NASP: variants seen among roughly 807,000 people sequenced by gnomAD.
NASP encodes the protein NASP histone chaperone.
In NASP, 24 loss-of-function variants were observed where a neutral mutation model predicts 89.5. The observed-to-expected ratio is 0.27, with a 90% CI of 0.19 to 0.38. The LOEUF (loss-of-function observed/expected upper bound fraction) is 0.38, where lower values mean the gene tolerates loss of function less well. Ranked by LOEUF, NASP falls within the 10% of genes least tolerant of loss-of-function variation. The pLI is 1.00. For missense variants in NASP, 848 were observed against 921.4 expected (o/e 0.92, Z 1.03); for synonymous variants, 306 against 324.7 (o/e 0.94, Z 0.62).
intron 4 of NASP, chr1:45,605,682 G>T (rs1328788259): frequency 2.6e-5 from 4 of 151,742 alleles, no homozygotes; most frequent in Non-Finnish European, 4.4e-5. Context: ...GGCTGGTCTC[G>T]AACTCCTGAC....
chr1:45,614,680 A>G (rs977531104), intron 9 of NASP, among the ~76,000 whole-genome samples: 6 of 152,122 alleles, frequency 3.9e-5, no homozygotes, highest in African/African-American at 1.4e-4. Context: ...CTGGGATTAC[A>G]GGCACCCACC....
At chr1:45,610,192 C>CT (rs994922663) in intron 6 of NASP, 58 of 152,122 alleles carry the variant, frequency 3.8e-4, no homozygotes, top group African/African-American at 1.3e-3. Flanking sequence ...CAGCGAGTCT[C>CT]TGTCTTCCAA....
intron 12 of NASP, 81 bp from the exon 13 acceptor site, chr1:45,616,545 T>C: frequency 6.5e-7 from 1 of 1,546,666 alleles, no homozygotes; most frequent in Non-Finnish European, 8.9e-7. Context: ...ACCTTGTCTC[T>C]GAAAAACTAA....
chr1:45,612,492 T>G (rs1158841953), intron 6 of NASP: 1 of 152,228 alleles, frequency 6.6e-6, no homozygotes, highest in Non-Finnish European at 1.5e-5. Context: ...ATGGTTGACT[T>G]GTGAGTGTAT....
At chr1:45,586,288 T>TGTGTGTGTGTGTGTG (rs1644544945) in intron 1 of NASP, among the ~76,000 whole-genome samples, 1 of 95,832 alleles carries the variant, frequency 1.0e-5, no homozygotes, top group African/African-American at 4.9e-5. Context: ...GTGTGTGGTG[T>TGTGTGTGTGTGTGTG]GTGTGTGTGT....
At chr1:45,602,151 G>A (rs1256197258) in intron 2 of NASP, 104 bp from the exon 3 acceptor site, 1 of 1,406,300 alleles carries the variant, frequency 7.1e-7, no homozygotes, top group African/African-American at 1.4e-5. Context: ...TGCCAGAGTA[G>A]TCCAAAAGTT....
rs1644488610 is a variant in NASP at position 45,584,067 on chromosome 1, A to G, written c.-80A>G. 5.2e-6 allele frequency: 7 copies of G among 1,354,244 alleles called. No individual in the cohort carries two copies. The highest frequency in any genetic ancestry group is 2.5e-5 in the East Asian group (1 of 39,392). The allele number at this position is 1,354,244 out of a possible 1,614,324, so 83.9% of individuals were successfully genotyped here. On this transcript the variant is annotated 5_prime_UTR_variant, in exon 1 of 15. Transcript: ENST00000350030. ...TCTAATCTGCCATTTTCTGTCCCTG[A>G]GTGAGTCTCTGGCGTCCCAAATTGC...
At chr1:45,596,989 A>C (rs1442416219) in intron 2 of NASP, among the ~76,000 whole-genome samples, 1 of 150,380 alleles carries the variant, frequency 6.6e-6, no homozygotes, top group Non-Finnish European at 1.5e-5. Flanking sequence ...TCTCAAAAAA[A>C]AGAAAAAAAA....
intron 2 of NASP, among the ~76,000 whole-genome samples, chr1:45,596,762 C>T (rs757731839): frequency 9.9e-5 from 15 of 152,016 alleles, no homozygotes; most frequent in Non-Finnish European, 1.6e-4. Context: ...GAGGCTGAGG[C>T]GAGAGAATCA....
chr1:45,584,097 T>C lies in NASP; in HGVS notation c.-50T>C. The stretch of plus-strand genomic sequence containing the variant: ...GTCTCTGGCGTCCCAAATTGCCTGT[T>C]TTTCTCGCAGGCTCTATTCCGTTCG... On this transcript the variant is annotated 5_prime_UTR_variant, in exon 1 of 15. Transcript: ENST00000350030. The C allele has an allele frequency of 6.6e-7, 1 of 1,525,818 alleles. No individual in the cohort carries two copies. 94.5% of individuals were successfully genotyped at this position (1,525,818 alleles called of 1,614,324 possible). A position where few individuals can be genotyped will look rare whatever the true frequency, so the allele number is the denominator to read the frequency against.
chr1:45,586,280 GTGTGGTGTGTGTGTGT>G (rs1212964979), intron 1 of NASP, among the ~76,000 whole-genome samples: 3 of 45,704 alleles, frequency 6.6e-5, no homozygotes, highest in African/African-American at 2.0e-4. Context: ...GTGTGTGTGT[GTGTGGTGTGTGTGTGT>G]GTGTGTGTGT....
intron 6 of NASP, chr1:45,611,595 T>C (rs998138482): frequency 6.7e-6 from 1 of 150,268 alleles, no homozygotes; most frequent in African/African-American, 2.5e-5. Flanking sequence ...GCCTCCCGAG[T>C]AGCTGGGACT....
At chr1:45,614,902 C>A in intron 9 of NASP, 111 bp from the exon 10 acceptor site, 1 of 966,234 alleles carries the variant, frequency 1.0e-6, no homozygotes, top group Non-Finnish European at 1.5e-6. Flanking sequence ...TAACTATAAA[C>A]AAAAATGGAA....
At chr1:45,606,629 G>A (rs151019527) in intron 5 of NASP, 38 bp downstream of exon 5, 137 of 1,399,454 alleles carry the variant, frequency 9.8e-5, no homozygotes, top group Non-Finnish European at 1.2e-4. Context: ...GAGATGCGAC[G>A]TTGTATATTT....
intron 1 of NASP, among the ~76,000 whole-genome samples, chr1:45,588,417 T>C (rs1259299231): frequency 6.6e-6 from 1 of 152,150 alleles, no homozygotes; most frequent in Non-Finnish European, 1.5e-5. Context: ...ACTTCTTTTT[T>C]TAAAATTAAT....
At chr1:45,614,516 C>T (rs1644069070) in intron 9 of NASP, 150 bp downstream of exon 9, 4 of 669,470 alleles carry the variant, frequency 6.0e-6, no homozygotes, top group Middle Eastern at 2.5e-4. Context: ...TTCCAAGTGG[C>T]ACTCAGTCTT....
Position 45,607,557 on chromosome 1 carries a change from G to C in NASP, c.646G>C (p.Gly216Arg). 3 of 1,613,986 alleles carry C rather than the reference G, an allele frequency of 1.9e-6. No individual in the cohort carries two copies. Among genetic ancestry groups the C allele is most frequent in the Non-Finnish European group, 2.5e-6 (3 of 1,179,910 alleles). The stretch of plus-strand genomic sequence containing the variant: ...TGAAACCTCTGAAGAGGCAAAAGGA[G>C]GAGCAGCACCAGAAGGACCGAATGA... Reference protein sequence around the residue: ...LTETSEEAKGGAAPEGPNEAE... With the variant: ...LTETSEEAKGRAAPEGPNEAE... The change falls in exon 6 of 15, where the codon GGA (glycine) becomes CGA (arginine). Residue 216 changes from glycine (G) to arginine (R), a missense_variant. Around this residue, in one of 5 missense-constraint regions of NASP, gnomAD observed 464 missense variants for 469.4 expected, o/e 0.99. Transcript: ENST00000350030.
In NASP at chr1:45,591,250, A is replaced by G. The variant is rs746439169; in HGVS notation, c.87A>G (p.Thr29=). ...TTGAAGATGTTCCTGCTCCTTCTAC[A>G]TCTGCAGATAAAGTGGAGAGGTAAG... is the stretch of plus-strand genomic sequence containing the variant. ...DKIEDVPAPS[T]SADKVESLDV... is the part of the protein sequence containing the mutation. Residue 29 remains threonine, a synonymous_variant, in exon 2 of 15, where the codon ACA becomes ACG. Coordinates refer to ENST00000350030, the MANE Select transcript of NASP (RefSeq NM_002482.4). 6.5e-7 allele frequency: 1 copy of G among 1,546,264 alleles called. No individual in the cohort carries two copies. Among genetic ancestry groups the G allele is most frequent in the Non-Finnish European group, 8.7e-7 (1 of 1,148,666 alleles).
chr1:45,592,147 G>C (rs932374653), intron 2 of NASP, among the ~76,000 whole-genome samples: 7 of 152,158 alleles, frequency 4.6e-5, no homozygotes, highest in African/African-American at 1.7e-4. Flanking sequence ...ACTACACCCA[G>C]CTAATTTTTC....
Sources: allele counts gnomAD v4.1 joint callset (sites outside exome capture counted in the v4.1 genomes callset), GRCh38; gene constraint gnomAD v4.1.1; regional missense constraint gnomAD v4.1.1; transcripts MANE v1.5; gene names NCBI Gene and HGNC (gene_info 2026-07-23, HGNC 2026-07-21).